AIDA: variants seen among roughly 807,000 people sequenced by gnomAD.
AIDA encodes axin interactor, dorsalization-associated protein.
Under a neutral mutation model 42.7 loss-of-function variants are expected in AIDA, and 18 were observed. The observed-to-expected ratio is 0.42, with a 90% CI of 0.29 to 0.63. The LOEUF (loss-of-function observed/expected upper bound fraction) is 0.63. Ranked by LOEUF, AIDA falls within the 20% of genes least tolerant of loss-of-function variation. The probability of loss-of-function intolerance (pLI) is 0.19; values close to 1 mark genes in which losing one functional copy is unlikely to be tolerated. For missense variants in AIDA, 250 were observed against 354.1 expected, an observed-to-expected ratio of 0.71 and a Z score of 2.36; for synonymous variants, 104 against 122.9, an observed-to-expected ratio of 0.85 and a Z score of 1.02.
intron 2 of AIDA, among the ~76,000 whole-genome samples, chr1:222,697,315 T>G (rs951239251): frequency 2.6e-5 from 3 of 116,550 alleles, no homozygotes; most frequent in African/African-American, 8.1e-5. Flanking sequence ...ATAACTATTT[T>G]AAGGAACCAC....
intron 6 of AIDA, among the ~76,000 whole-genome samples, chr1:222,685,233 G>A (rs1664722544): frequency 6.6e-6 from 1 of 152,170 alleles, no homozygotes; most frequent in Non-Finnish European, 1.5e-5. Context: ...TTCAGCATAT[G>A]AAAAATACAA....
intron 1 of AIDA, 91 bp downstream of exon 1, chr1:222,712,117 T>C: frequency 6.5e-7 from 1 of 1,536,908 alleles, no homozygotes; most frequent in Non-Finnish European, 8.8e-7. Flanking sequence ...AAGCCTTGGC[T>C]GCAGATACGG....
intron 1 of AIDA, among the ~76,000 whole-genome samples, chr1:222,708,265 C>T (rs1571944718): frequency 6.7e-6 from 1 of 149,598 alleles, no homozygotes; most frequent in South Asian, 2.2e-4. Flanking sequence ...GAGCCGAAAT[C>T]GCACCACTGC....
In AIDA at chr1:222,668,167, G is replaced by C. The variant is rs1419869977; in HGVS notation, c.*1726C>G. The C allele has an allele frequency of 6.6e-6, 1 of 151,744 alleles. No individual in the cohort carries two copies. The highest frequency in any genetic ancestry group is 1.9e-4 in the East Asian group (1 of 5,180). The allele number at this position is 151,744 out of a possible 1,614,324, so 9.4% of individuals were successfully genotyped here. A position where few individuals can be genotyped will look rare whatever the true frequency, so the allele number is the denominator to read the frequency against. Reference sequence around the variant, plus strand: ...AGAGAAAAAATAATACATCGGTTTTGCTACACTTTAATGGGTTTTTTTTTT... The same window carrying C: ...AGAGAAAAAATAATACATCGGTTTTCCTACACTTTAATGGGTTTTTTTTTT... On this transcript the variant is annotated 3_prime_UTR_variant, in exon 10 of 10. Transcript: ENST00000340020.
At position 222,706,353 on chromosome 1, in the gene AIDA, A is replaced by AC. The variant is rs529077155; in HGVS notation, c.111-3137_111-3136insG. On this transcript the variant is annotated intron_variant, in intron 1 of 9. Coordinates refer to ENST00000340020, the MANE Select transcript of AIDA (RefSeq NM_022831.4). ...CCAAGAAAAATGAAAATATATGTCC[A>AC]TGCAAAGACTTGCATTTGAATGTTC... Among the ~76,000 whole-genome samples the AC allele has an allele frequency of 2.8e-4, 42 of 152,358 alleles. 1 individual carries two copies. The South Asian group carries it at 7.0e-3, about 26-fold the overall frequency.
intron 1 of AIDA, among the ~76,000 whole-genome samples, chr1:222,706,854 CAAA>C (rs767799244): frequency 4.2e-5 from 3 of 72,090 alleles, no homozygotes; most frequent in Non-Finnish European, 5.8e-5. Flanking sequence ...GACTGCGCCT[CAAA>C]AAAAAAAAAA....
rs1553294373 is a variant in AIDA, at chr1:222,689,481, G to GTATGTATATA, written c.290-1824_290-1823insTATATACATA. On this transcript the variant is annotated intron_variant, in intron 4 of 9. Transcript: ENST00000340020. ...AAAGAAAATATGTATGTGTGTGTGTGTATATATATATATATATATATATAT... is the reference window on the plus strand; with the variant it reads ...AAAGAAAATATGTATGTGTGTGTGTGTATGTATATATATATATATATATATATATATATAT... Among the ~76,000 whole-genome samples the GTATGTATATA allele has an allele frequency of 3.5e-3, 124 of 35,350 alleles. 2 individuals are homozygous for GTATGTATATA. The Middle Eastern group carries it at 0.083, about 24-fold the overall frequency. The allele number at this position is 35,350 out of a possible 152,430, so 23.2% of individuals were successfully genotyped here. A position where few individuals can be genotyped will look rare whatever the true frequency, so the allele number is the denominator to read the frequency against.
At chr1:222,709,161 G>A (rs879465933) in intron 1 of AIDA, among the ~76,000 whole-genome samples, 3 of 152,170 alleles carry the variant, frequency 2.0e-5, no homozygotes, top group Non-Finnish European at 2.9e-5. Flanking sequence ...AGCCGGGCAC[G>A]GTGGCTCATG....
rs144835880 is a variant in AIDA, at chr1:222,690,358, A to T, written c.290-2700T>A. Among the ~76,000 whole-genome samples, 248 of 152,370 alleles carry T rather than the reference A, an allele frequency of 1.6e-3. 1 individual carries two copies. The highest frequency in any genetic ancestry group is 5.4e-3 in the African/African-American group (224 of 41,586). ...ATTACATTCTGGCATGTAAACTTAA[A>T]GAGAGGCATCTTACAATTCTAGCTA... is the stretch of plus-strand genomic sequence containing the variant. On this transcript the variant is annotated intron_variant, in intron 4 of 9. Transcript: ENST00000340020.
At chr1:222,693,348 T>C (rs917547834) in intron 4 of AIDA, among the ~76,000 whole-genome samples, 8 of 152,166 alleles carry the variant, frequency 5.3e-5, no homozygotes, top group African/African-American at 1.9e-4. Flanking sequence ...GAAGAAATTA[T>C]TTACTTCAAA....
chr1:222,686,851 G>T, intron 6 of AIDA, 79 bp downstream of exon 6: 1 of 1,518,978 alleles, frequency 6.6e-7, no homozygotes, highest in Non-Finnish European at 8.9e-7. Context: ...TGCCCCACTA[G>T]CAAATACCAA....
intron 5 of AIDA, 94 bp from the exon 6 acceptor site, chr1:222,687,130 T>C (rs1655217816): frequency 2.0e-6 from 3 of 1,530,518 alleles, no homozygotes; most frequent in Non-Finnish European, 2.6e-6. Context: ...AAGATGCTGA[T>C]ATAAAAAAAT....
At chr1:222,670,326 A>G (rs1212013408) in intron 8 of AIDA, 76 bp from the exon 9 acceptor site, 14 of 1,189,784 alleles carry the variant, frequency 1.2e-5, no homozygotes. Flanking sequence ...TTTGATCACC[A>G]GAAGCATATG....
At chr1:222,693,730 A>G in intron 4 of AIDA, 59 bp downstream of exon 4, 1 of 1,357,042 alleles carries the variant, frequency 7.4e-7, no homozygotes, top group Middle Eastern at 2.5e-4. Flanking sequence ...TAGCCTTAAC[A>G]TCTACAATAG....
At chr1:222,689,528 T>C (rs372845282) in intron 4 of AIDA, among the ~76,000 whole-genome samples, 4,153 of 76,182 alleles carry the variant, frequency 0.055, 304 homozygotes, top group African/African-American at 0.15. Context: ...TATACACACA[T>C]ACACACACAC....
intron 3 of AIDA, 122 bp from the exon 4 acceptor site, chr1:222,693,965 G>T (rs1041516716): frequency 1.2e-5 from 12 of 972,350 alleles, no homozygotes; most frequent in African/African-American, 1.6e-5. Context: ...GGTAGAAAAT[G>T]AAAAGTCCCA....
rs1463784975 is a variant in AIDA, at chr1:222,668,324, A to G, written c.*1569T>C. ...AGAAAATGCGCCTCTTGCTCCTTGA[A>G]GAGCTTACAGTCTAGGGATTTGACA... On this transcript the variant is annotated 3_prime_UTR_variant, in exon 10 of 10. Coordinates refer to ENST00000340020, the MANE Select transcript of AIDA (RefSeq NM_022831.4). 2 of 128,370 alleles carry G rather than the reference A, an allele frequency of 1.6e-5. No homozygotes were observed. Among genetic ancestry groups the G allele is most frequent in the African/African-American group, 3.0e-5 (1 of 33,470 alleles). 8.0% of individuals were successfully genotyped at this position (128,370 alleles called of 1,614,324 possible). A position where few individuals can be genotyped will look rare whatever the true frequency, so the allele number is the denominator to read the frequency against.
intron 1 of AIDA, among the ~76,000 whole-genome samples, chr1:222,703,642 G>C (rs1053106884): frequency 6.6e-6 from 1 of 152,126 alleles, no homozygotes; most frequent in Non-Finnish European, 1.5e-5. Context: ...AGTAAAATTA[G>C]TCCTAATCCA....
At chr1:222,674,233 C>T (rs1664506771) in intron 7 of AIDA, among the ~76,000 whole-genome samples, 1 of 151,964 alleles carries the variant, frequency 6.6e-6, no homozygotes. Context: ...TGCAGGTGAC[C>T]ACAGAGGCAT....
Sources: gnomAD v4.1 joint callset for allele counts (sites outside exome capture counted in the v4.1 genomes callset) on GRCh38, gnomAD v4.1.1 for gene constraint, MANE v1.5 for transcripts, NCBI Gene and HGNC (gene_info 2026-07-23, HGNC 2026-07-21) for gene names.